The following STIM2 variants were observed in gnomAD, a reference collection of about 807,000 sequenced individuals.
STIM2 encodes the protein stromal interaction molecule 2.
Under a neutral mutation model 85.8 loss-of-function variants are expected in STIM2, and 31 were observed. The ratio of observed to expected loss-of-function variants is 0.36; its 90% CI spans 0.27 to 0.49. The LOEUF (loss-of-function observed/expected upper bound fraction) is 0.49, where lower values mean the gene tolerates loss of function less well. Ranked by LOEUF, STIM2 falls within the 20% of genes least tolerant of loss-of-function variation. The pLI, the probability that STIM2 is intolerant of heterozygous loss-of-function variation, is 0.98. For missense variants in STIM2, 841 were observed against 927.6 expected (o/e 0.91, Z 1.21); for synonymous variants, 356 against 331.1 (o/e 1.08, Z -0.82).
intron 3 of STIM2, among the ~76,000 whole-genome samples, chr4:26,993,119 G>C (rs763924573): frequency 2.0e-5 from 3 of 152,130 alleles, no homozygotes; most frequent in Non-Finnish European, 4.4e-5. Flanking sequence ...TTGTGTGGGC[G>C]TGTGAGGTAC....
chr4:26,950,543 T>G (rs916721455), intron 2 of STIM2, among the ~76,000 whole-genome samples: 8 of 152,126 alleles, frequency 5.3e-5, no homozygotes, highest in African/African-American at 1.9e-4. Flanking sequence ...AAAGGGCCTG[T>G]GGGAGTGGGT....
chr4:26,933,749 A>C (rs1298905669), intron 2 of STIM2, among the ~76,000 whole-genome samples: 2 of 151,410 alleles, frequency 1.3e-5, no homozygotes, highest in Non-Finnish European at 1.5e-5. Context: ...AAAAAAAAAA[A>C]AAAAAACAAG....
intron 1 of STIM2, among the ~76,000 whole-genome samples, chr4:26,886,015 A>G (rs1243916385): frequency 2.0e-5 from 3 of 151,634 alleles, no homozygotes; most frequent in Non-Finnish European, 2.9e-5. Flanking sequence ...GCTGATCACC[A>G]TGCGCCAGTT....
chr4:26,919,387 T>A lies in STIM2; in HGVS notation c.152-117T>A, dbSNP rs1325731390. ...ATATTCTGTTAGACGTTTTAAAGTC[T>A]CTTAGTTTAACTTAGTCTGAAGTTT... is the stretch of plus-strand genomic sequence containing the variant. On this transcript the variant is annotated intron_variant, in intron 1 of 11. Transcript: ENST00000467087. The A allele has an allele frequency of 5.2e-6, 7 of 1,341,230 alleles. No individual in the cohort carries two copies. In the East Asian group the frequency reaches 1.4e-4, roughly 27 times the overall value. 83.1% of individuals were successfully genotyped at this position (1,341,230 alleles called of 1,614,324 possible).
chr4:26,889,862 G>T (rs146851550), intron 1 of STIM2, among the ~76,000 whole-genome samples: 19 of 152,292 alleles, frequency 1.2e-4, no homozygotes, highest in South Asian at 4.1e-4. Context: ...CAGCATTCAC[G>T]TGGGACACAG....
intron 3 of STIM2, among the ~76,000 whole-genome samples, chr4:26,974,004 C>A (rs1727081617): frequency 6.6e-6 from 1 of 151,582 alleles, no homozygotes; most frequent in Admixed American, 6.6e-5. Context: ...AGCCTTGTTT[C>A]TTTTGATTTT....
chr4:26,978,876 G>A lies in STIM2; in HGVS notation c.398-16503G>A, dbSNP rs114292239. On this transcript the variant is annotated intron_variant, in intron 3 of 11. Coordinates refer to ENST00000467087, the MANE Select transcript of STIM2 (RefSeq NM_020860.4). ...TGAAAGGATGCAGGGTTGGGTGGGT[G>A]GTGTCTGGCAGCATGGGTCATGTGA... Among the ~76,000 whole-genome samples, 886 of 152,266 alleles carry A rather than the reference G, an allele frequency of 5.8e-3. 18 individuals are homozygous for A. The highest frequency in any genetic ancestry group is 0.02 in the African/African-American group (850 of 41,546).
intron 2 of STIM2, among the ~76,000 whole-genome samples, chr4:26,931,982 T>G (rs1238229172): frequency 6.6e-6 from 1 of 152,208 alleles, no homozygotes; most frequent in East Asian, 1.9e-4. Flanking sequence ...ATTTATAGAT[T>G]TATATACTAA....
chr4:27,000,591 C>T (rs938699544), intron 5 of STIM2, among the ~76,000 whole-genome samples: 8 of 152,138 alleles, frequency 5.3e-5, no homozygotes, highest in African/African-American at 1.9e-4. Context: ...GAACTAACCC[C>T]TTTCTAAGCC....
At position 26,999,341 on chromosome 4, in the gene STIM2, C is replaced by G; in HGVS notation, c.619C>G (p.Leu207Val). The G allele has an allele frequency of 1.9e-6, 3 of 1,600,230 alleles. No individual in the cohort carries two copies. The highest frequency in any genetic ancestry group is 1.7e-6 in the Non-Finnish European group (2 of 1,171,276). Residue 207 changes from leucine to valine, a missense_variant, in exon 5 of 12, where the codon CTA (leucine) becomes GTA (valine). Transcript: ENST00000467087. ...ATTGGATGTGGTTTTGTTTGGACCT[C>G]TAACACGTTAGTATTCTCTCTCACT...
intron 10 of STIM2, 93 bp downstream of exon 10, chr4:27,009,095 A>AG: frequency 1.8e-6 from 2 of 1,134,528 alleles, no homozygotes; most frequent in Non-Finnish European, 1.3e-6. Context: ...GAAATCTGTG[A>AG]GAAAAAATTG....
intron 1 of STIM2, among the ~76,000 whole-genome samples, chr4:26,911,165 AG>A (rs1418341077): frequency 2.6e-5 from 4 of 152,068 alleles, no homozygotes; most frequent in African/African-American, 9.7e-5. Context: ...TGAACCCAGG[AG>A]GTGTAGGTTG....
chr4:26,907,719 CA>C (rs796194610), intron 1 of STIM2, among the ~76,000 whole-genome samples: 9 of 152,200 alleles, frequency 5.9e-5, no homozygotes, highest in African/African-American at 2.2e-4. Context: ...CAAAACAAAA[CA>C]AAACAGAGGC....
chr4:26,938,180 CTT>C (rs541454706), intron 2 of STIM2, among the ~76,000 whole-genome samples: 1 of 138,762 alleles, frequency 7.2e-6, no homozygotes. Flanking sequence ...CCCAAATTTT[CTT>C]TTTTTTTTTA....
At chr4:26,942,686 C>G (rs1725657555) in intron 2 of STIM2, among the ~76,000 whole-genome samples, 1 of 152,084 alleles carries the variant, frequency 6.6e-6, no homozygotes, top group African/African-American at 2.4e-5. Context: ...TTTTAAAAAA[C>G]TTGATCTTAG....
At chr4:26,956,696 A>G (rs1178723509) in intron 2 of STIM2, among the ~76,000 whole-genome samples, 1 of 152,110 alleles carries the variant, frequency 6.6e-6, no homozygotes, top group Non-Finnish European at 1.5e-5. Flanking sequence ...GCAGAAGAAC[A>G]TAGAAATATG....
chr4:26,921,543 A>G (rs567198826), intron 2 of STIM2, among the ~76,000 whole-genome samples: 1 of 152,334 alleles, frequency 6.6e-6, no homozygotes, highest in East Asian at 1.9e-4. Flanking sequence ...TTCCAATAAA[A>G]CTTTATTTGC....
intron 3 of STIM2, among the ~76,000 whole-genome samples, chr4:26,990,526 G>A (rs754276478): frequency 6.6e-5 from 10 of 152,046 alleles, no homozygotes; most frequent in Non-Finnish European, 1.3e-4. Context: ...ACATTAGGCT[G>A]GACAAGAAGC....
intron 10 of STIM2, 55 bp downstream of exon 10, chr4:27,009,057 C>A: frequency 6.7e-7 from 1 of 1,489,628 alleles, no homozygotes; most frequent in Non-Finnish European, 9.3e-7. Flanking sequence ...TAATTTTCTC[C>A]TATGTCCTTT....
Sources: gnomAD v4.1 joint callset for allele counts (sites outside exome capture counted in the v4.1 genomes callset) on GRCh38, gnomAD v4.1.1 for gene constraint, MANE v1.5 for transcripts, NCBI Gene and HGNC (gene_info 2026-07-23, HGNC 2026-07-21) for gene names.